TMEM94: variants seen among roughly 807,000 people sequenced by gnomAD.
TMEM94 encodes transmembrane protein 94.
A neutral mutation model predicts 158.6 loss-of-function variants in TMEM94; 81 were observed. The observed-to-expected ratio is 0.51, with a 90% confidence interval of 0.43 to 0.61. The LOEUF is 0.61. Ranked by LOEUF, TMEM94 falls within the 20% of genes least tolerant of loss-of-function variation. The pLI, the probability that TMEM94 is intolerant of heterozygous loss-of-function variation, is 0.00. For synonymous variants in TMEM94, 751 were observed against 730.7 expected (o/e 1.03, Z -0.45); for missense variants, 1,435 against 1,762.0 (o/e 0.81, Z 3.32).
At chr17:75,458,925 C>T (rs1210083838) in intron 1 of TMEM94, among the ~76,000 whole-genome samples, 1 of 151,434 alleles carries the variant, frequency 6.6e-6, no homozygotes, top group African/African-American at 2.4e-5. Flanking sequence ...GGTATTGTGG[C>T]GGGTGCCTGT....
At chr17:75,483,100 C>T (rs753373192) in intron 2 of TMEM94, among the ~76,000 whole-genome samples, 3 of 152,038 alleles carry the variant, frequency 2.0e-5, no homozygotes, top group African/African-American at 4.8e-5. Context: ...GGGTGGGGCA[C>T]GTGATTCTCG....
chr17:75,463,699 A>C (rs1001805000), intron 1 of TMEM94, among the ~76,000 whole-genome samples: 1 of 152,184 alleles, frequency 6.6e-6, no homozygotes, highest in Non-Finnish European at 1.5e-5. Flanking sequence ...TATTTTTTCC[A>C]GTTAAACTGA....
chr17:75,472,485 G>A (rs2050537303), intron 2 of TMEM94, among the ~76,000 whole-genome samples: 1 of 152,204 alleles, frequency 6.6e-6, no homozygotes, highest in Non-Finnish European at 1.5e-5. Flanking sequence ...CCTCTCCCTT[G>A]ACAAAGACTG....
In TMEM94 at chr17:75,492,893, G is replaced by A. The variant is rs185553880; in HGVS notation, c.1913-36G>A. 212 of 1,596,260 alleles carry A rather than the reference G, an allele frequency of 1.3e-4. No individual in the cohort carries two copies. The East Asian group carries it at 4.7e-3, about 35-fold the overall frequency. ...TAATGGACCTGGCAGGGTATTGCCA[G>A]GGCATGGCCCTAAGTTCCTGTTCCC... is the stretch of plus-strand genomic sequence containing the variant. On this transcript the variant is annotated intron_variant, in intron 15 of 31. Coordinates refer to ENST00000314256, the MANE Select transcript of TMEM94 (RefSeq NM_014738.6). The surrounding 1 kb of genome is among the most constrained non-coding windows in gnomAD (Gnocchi z 4.4).
At chr17:75,460,515 A>ATT (rs537401657) in intron 1 of TMEM94, among the ~76,000 whole-genome samples, 14,213 of 140,634 alleles carry the variant, frequency 0.1, 1,268 homozygotes, top group African/African-American at 0.24. Context: ...GGAGCTGCTG[A>ATT]TTTTTTTTTT....
chr17:75,468,152 C>G (rs1457852501), intron 1 of TMEM94, among the ~76,000 whole-genome samples: 1 of 152,086 alleles, frequency 6.6e-6, no homozygotes. Flanking sequence ...GAATCCTGTG[C>G]TTTTTTTCAC....
Position 75,489,162 on chromosome 17 carries a change from G to A in TMEM94, c.765-104G>A, listed in dbSNP as rs1013869646. 5.3e-6 allele frequency: 6 copies of A among 1,136,234 alleles called. No homozygotes were observed. The highest frequency in any genetic ancestry group is 1.9e-5 in the Admixed American group (1 of 51,384). 70.4% of individuals were successfully genotyped at this position (1,136,234 alleles called of 1,614,324 possible). A position where few individuals can be genotyped will look rare whatever the true frequency, so the allele number is the denominator to read the frequency against. ...CAGAGCGTGGAACTGCAGGACTCAC[G>A]GTGCTTGAAGAAGCGGTATCTGGCA... is the stretch of plus-strand genomic sequence containing the variant. On this transcript the variant is annotated intron_variant, in intron 7 of 31. Transcript: ENST00000314256. The surrounding 1 kb of genome is among the most constrained non-coding windows in gnomAD (Gnocchi z 5.0).
At position 75,489,634 on chromosome 17, in the gene TMEM94, C is replaced by T. The variant is rs2051960566; in HGVS notation, c.926C>T (p.Ser309Phe). Residue 309 changes from serine to phenylalanine, a missense_variant, in exon 9 of 32, where the codon TCC (serine) becomes TTC (phenylalanine). By Grantham distance (155) the Ser-to-Phe change is radical. Around this residue, in one of 3 missense-constraint regions of TMEM94, gnomAD observed 1,051 missense variants for 1,254.4 expected, o/e 0.84. Transcript: ENST00000314256. The surrounding 1 kb of genome is among the most constrained non-coding windows in gnomAD (Gnocchi z 5.0). ...RFIFSAPGVT[S>F]WQYTLLQLQV... ...ATCTTCAGTGCCCCGGGGGTCACTT[C>T]CTGGCAGTACACCCTCCTCCAGCTC... 6.2e-7 allele frequency: 1 copy of T among 1,614,000 alleles called. No homozygotes were observed. The highest frequency in any genetic ancestry group is 8.5e-7 in the Non-Finnish European group (1 of 1,179,958).
chr17:75,490,450 C>G, intron 10 of TMEM94, 100 bp downstream of exon 10: 1 of 1,377,240 alleles, frequency 7.3e-7, no homozygotes, highest in Non-Finnish European at 9.9e-7. Context: ...ACCTTGGGCT[C>G]GGCATGTTGG....
chr17:75,470,275 C>A (rs918163333), intron 1 of TMEM94, among the ~76,000 whole-genome samples: 1 of 151,420 alleles, frequency 6.6e-6, no homozygotes, highest in African/African-American at 2.4e-5. Context: ...AGGTCAAGAC[C>A]AACCTGGGCA....
At chr17:75,483,501 C>T (rs745668776) in intron 2 of TMEM94, among the ~76,000 whole-genome samples, 67 of 150,692 alleles carry the variant, frequency 4.4e-4, no homozygotes, top group Non-Finnish European at 8.6e-4. Flanking sequence ...AGCTCTGTCA[C>T]CCAGGCTGGA....
chr17:75,490,527 G>A (rs772945547), intron 10 of TMEM94, among the ~76,000 whole-genome samples, 175 bp from the exon 11 acceptor site: 1 of 152,220 alleles, frequency 6.6e-6, no homozygotes, highest in Non-Finnish European at 1.5e-5. Flanking sequence ...GCCAGGCCCT[G>A]GGTGTGAGTG....
chr17:75,470,876 G>A (rs904221487), intron 1 of TMEM94, among the ~76,000 whole-genome samples: 2 of 151,606 alleles, frequency 1.3e-5, no homozygotes, highest in Non-Finnish European at 1.5e-5. Flanking sequence ...CAAAGGTTGC[G>A]CCACTGCACT....
chr17:75,493,249 T>C (rs897441884), intron 16 of TMEM94, 147 bp downstream of exon 16: 12 of 981,046 alleles, frequency 1.2e-5, no homozygotes, highest in Admixed American at 1.0e-4. Context: ...AGGGCTGGAA[T>C]TGGGGACCAG....
In TMEM94 at chr17:75,492,246, CA is replaced by C. The variant is rs2052268537; in HGVS notation, c.1597-227del. ...GGCCACCCCTCTTTTTAGCTCCTGC[CA>C]GTGTCATGAGATATATTAATAGTCC... On this transcript the variant is annotated intron_variant, in intron 14 of 31. Coordinates refer to ENST00000314256, the MANE Select transcript of TMEM94 (RefSeq NM_014738.6). The surrounding 1 kb of genome is among the most constrained non-coding windows in gnomAD (Gnocchi z 4.4). 1.4e-6 allele frequency: 2 copies of C among 1,421,720 alleles called. No individual in the cohort carries two copies. The highest frequency in any genetic ancestry group is 3.1e-5 in the South Asian group (2 of 63,810). 88.1% of individuals were successfully genotyped at this position (1,421,720 alleles called of 1,614,324 possible).
chr17:75,490,340 C>T lies in TMEM94; in HGVS notation c.1061C>T (p.Pro354Leu). Residue 354 changes from proline to leucine, a missense_variant, in exon 10 of 32, where the codon CCC becomes CTC. Pro to Leu is a moderately conservative substitution (Grantham distance 98). Transcript: ENST00000314256. ...CTGGCCCAGATGAGCAAGGCCTCAC[C>T]CAGCTCCCTGGTAGGTTTTTCCAAG... is the stretch of plus-strand genomic sequence containing the variant. ...RVLAQMSKASPSSLLAKFSED... is the reference protein window; with the variant it reads ...RVLAQMSKASLSSLLAKFSED... 1 of 1,613,438 alleles carries T rather than the reference C, an allele frequency of 6.2e-7. No individual in the cohort carries two copies. Among genetic ancestry groups the T allele is most frequent in the Non-Finnish European group, 8.5e-7 (1 of 1,179,870 alleles).
chr17:75,479,195 C>T (rs2050956588), intron 2 of TMEM94, among the ~76,000 whole-genome samples: 2 of 152,088 alleles, frequency 1.3e-5, no homozygotes, highest in Admixed American at 6.5e-5. Flanking sequence ...AGGCCAGGCA[C>T]GGTGGTTCAC....
At chr17:75,497,562 G>A (rs1369798190) in intron 26 of TMEM94, among the ~76,000 whole-genome samples, 2 of 151,936 alleles carry the variant, frequency 1.3e-5, no homozygotes, top group East Asian at 1.9e-4. Flanking sequence ...CCATGTTGGC[G>A]AGGCTGGTTT....
Position 75,491,066 on chromosome 17 carries a change from T to C in TMEM94, c.1146T>C (p.Ile382=). ...AVSSQEMLRC[I]WGHFLRVLGG... Reference sequence around the variant, plus strand: ...CCCACCAGGAAATGCTGCGCTGCATTTGGGGCCACTTCCTGAGGGTGCTCG... The same window carrying C: ...CCCACCAGGAAATGCTGCGCTGCATCTGGGGCCACTTCCTGAGGGTGCTCG... The change falls in exon 12 of 32, where the codon ATT becomes ATC. Residue 382 remains isoleucine, a synonymous_variant. Coordinates refer to ENST00000314256, the MANE Select transcript of TMEM94 (RefSeq NM_014738.6). This position sits in a 1 kb window ranked among gnomAD's most constrained non-coding sequence, Gnocchi z 5.1. 1 of 1,612,314 alleles carries C rather than the reference T, an allele frequency of 6.2e-7. No homozygotes were observed. Among genetic ancestry groups the C allele is most frequent in the Non-Finnish European group, 8.5e-7 (1 of 1,179,054 alleles).
Sources: allele counts gnomAD v4.1 joint callset (sites outside exome capture counted in the v4.1 genomes callset), GRCh38; gene constraint gnomAD v4.1.1; regional missense constraint gnomAD v4.1.1; non-coding constraint Gnocchi (gnomAD v3.1); transcripts MANE v1.5; gene names NCBI Gene and HGNC (gene_info 2026-07-23, HGNC 2026-07-21).